MUC3A: variants seen among roughly 807,000 people sequenced by gnomAD.
The protein encoded by MUC3A is mucin-3A.
MUC3A carries 109 observed loss-of-function variants against 109.0 expected under a neutral mutation model. That is an observed-to-expected ratio of 1.00 (90% CI 0.86 to 1.17). The LOEUF is 1.17. Among genes scored for constraint, MUC3A ranks in the 50% most tolerant of loss-of-function variants. The pLI, the probability that MUC3A is intolerant of heterozygous loss-of-function variation, is 0.00. For missense variants in MUC3A, 3,537 were observed against 2,469.4 expected, an observed-to-expected ratio of 1.43 and a Z score of -9.16; for synonymous variants, 1,398 against 981.4, an observed-to-expected ratio of 1.42 and a Z score of -7.93.
chr7:100,954,392 C>G lies in MUC3A; in HGVS notation c.2613C>G (p.Ile871Met), dbSNP rs1792049568. Residue 871 changes from isoleucine to methionine, a missense_variant, in exon 2 of 12, where the codon ATC becomes ATG. By Grantham distance (10) the Ile-to-Met change is conservative. Transcript: ENST00000379458. Reference sequence around the variant, plus strand: ...CTCCCACTGTCCAGAATACAGAAATCTCAATCTCTGTTAGCATGACGTCTG... The same window carrying G: ...CTCCCACTGTCCAGAATACAGAAATGTCAATCTCTGTTAGCATGACGTCTG... ...PSSPTVQNTE[I>M]SISVSMTSAT... The G allele has an allele frequency of 2.5e-6, 1 of 400,294 alleles. No individual in the cohort carries two copies. Among genetic ancestry groups the G allele is most frequent in the South Asian group, 1.3e-4 (1 of 7,986 alleles). 24.8% of individuals were successfully genotyped at this position (400,294 alleles called of 1,614,324 possible).
At chr7:100,965,958 C>CT (rs1333796866) in intron 8 of MUC3A, 92 bp downstream of exon 8, 1 of 1,475,282 alleles carries the variant, frequency 6.8e-7, no homozygotes, top group Non-Finnish European at 9.0e-7. Context: ...GCTCCGCGCC[C>CT]TGGGCCTACA....
In MUC3A at chr7:100,955,732, C is replaced by T. The variant is rs1797530929; in HGVS notation, c.3953C>T (p.Ala1318Val). ...AGCACCAATACAATCCACACAACAGCTGAATCCGCCCTGGCACCCACTACC... is the reference window on the plus strand; with the variant it reads ...AGCACCAATACAATCCACACAACAGTTGAATCCGCCCTGGCACCCACTACC... ...PASTNTIHTT[A>V]ESALAPTTTT... Residue 1318 changes from alanine to valine, a missense_variant, in exon 2 of 12, where the codon GCT (alanine) becomes GTT (valine). Transcript: ENST00000379458. 4 of 418,636 alleles carry T rather than the reference C, an allele frequency of 9.6e-6. No homozygotes were observed. The highest frequency in any genetic ancestry group is 1.7e-5 in the Non-Finnish European group (4 of 239,448). The allele number at this position is 418,636 out of a possible 1,614,324, so 25.9% of individuals were successfully genotyped here. A position where few individuals can be genotyped will look rare whatever the true frequency, so the allele number is the denominator to read the frequency against.
chr7:100,949,751 G>A (rs911425164), intron 1 of MUC3A, 66 bp downstream of exon 1: 1 of 1,431,544 alleles, frequency 7.0e-7, no homozygotes. Context: ...GAAAGGGGAG[G>A]GAAAAGTGGC....
chr7:100,957,256 T>A lies in MUC3A; in HGVS notation c.5477T>A (p.Phe1826Tyr), dbSNP rs909138921. 3 of 499,020 alleles carry A rather than the reference T, an allele frequency of 6.0e-6. No homozygotes were observed. The highest frequency in any genetic ancestry group is 1.0e-5 in the Non-Finnish European group (3 of 286,410). 30.9% of individuals were successfully genotyped at this position (499,020 alleles called of 1,614,324 possible). A position where few individuals can be genotyped will look rare whatever the true frequency, so the allele number is the denominator to read the frequency against. ...TTPLSTLVTT[F>Y]SNSDTSSTPT... ...CCTCTATCTACATTGGTGACCACAT[T>A]CTCCAATTCCGACACCAGTTCTACA... Residue 1826 changes from phenylalanine to tyrosine, a missense_variant, in exon 2 of 12, where the codon TTC becomes TAC. Transcript: ENST00000379458.
rs1479425283 is a variant in MUC3A, at chr7:100,958,067, A to G, written c.6288A>G (p.Ser2096=). Residue 2096 remains serine (S), a synonymous_variant, in exon 2 of 12, where the codon TCA becomes TCG. Transcript: ENST00000379458. ...PSHSTLSFTS[S]ITTTETTSHS... is the part of the protein sequence containing the mutation. ...ACAGTACTCTCAGCTTCACTTCTTC[A>G]ATCACCACCACTGAGACCACCTCAC... 5.1e-4 allele frequency: 120 copies of G among 233,544 alleles called. No individual in the cohort carries two copies. The highest frequency in any genetic ancestry group is 1.5e-3 in the South Asian group (13 of 8,700). The allele number at this position is 233,544 out of a possible 1,614,324, so 14.5% of individuals were successfully genotyped here.
Position 100,955,351 on chromosome 7 carries a change from T to G in MUC3A, c.3572T>G (p.Leu1191Arg). 1 of 717,854 alleles carries G rather than the reference T, an allele frequency of 1.4e-6. No homozygotes were observed. The highest frequency in any genetic ancestry group is 2.5e-6 in the Non-Finnish European group (1 of 395,398). The allele number at this position is 717,854 out of a possible 1,614,324, so 44.5% of individuals were successfully genotyped here. ...VTSTTMTPSS[L>R]STDTPSTTPT... is the part of the protein sequence containing the mutation. ...TCCACAACCATGACCCCATCTTCTC[T>G]GAGTACAGACACCCCTTCCACAACA... Residue 1191 changes from leucine to arginine, a missense_variant, in exon 2 of 12, where the codon CTG becomes CGG. By Grantham distance (102) the Leu-to-Arg change is moderately radical (BLOSUM62 -2). Transcript: ENST00000379458.
At position 100,960,162 on chromosome 7, in the gene MUC3A, G is replaced by A; in HGVS notation, c.8383G>A (p.Ala2795Thr). Reference sequence around the variant, plus strand: ...TGTTGAAATGGATCCCAGCACTGAAGCTACTTCTCCTCCCACCACCCCATT... The same window carrying A: ...TGTTGAAATGGATCCCAGCACTGAAACTACTTCTCCTCCCACCACCCCATT... Reference protein sequence around the residue: ...PCVEMDPSTEATSPPTTPLTV... With the variant: ...PCVEMDPSTETTSPPTTPLTV... The change falls in exon 2 of 12, where the codon GCT becomes ACT. Residue 2795 changes from alanine (A) to threonine (T), a missense_variant. Coordinates refer to ENST00000379458, the MANE Select transcript of MUC3A (RefSeq NM_005960.2). 6.4e-7 allele frequency: 1 copy of A among 1,569,832 alleles called. No homozygotes were observed. Among genetic ancestry groups the A allele is most frequent in the Non-Finnish European group, 8.6e-7 (1 of 1,163,952 alleles).
chr7:100,964,830 C>A lies in MUC3A; in HGVS notation c.9369C>A (p.Cys3123Ter). The A allele has an allele frequency of 6.3e-7, 1 of 1,597,762 alleles. No homozygotes were observed. Among genetic ancestry groups the A allele is most frequent in the South Asian group, 1.1e-5 (1 of 91,034 alleles). ...LQNASQDVNS[C>*]QDSQTLCFKP... Reference sequence around the variant, plus strand: ...ACGCCAGCCAGGATGTGAACAGCTGCCAGGACTCCCAGAGTGAGCCCAGGC... The same window carrying A: ...ACGCCAGCCAGGATGTGAACAGCTGACAGGACTCCCAGAGTGAGCCCAGGC... The change falls in exon 6 of 12, where the codon TGC (cysteine) becomes TGA (stop). Residue 3123 changes from cysteine to a stop codon, truncating the protein, a stop_gained. Transcript: ENST00000379458. LOFTEE classifies it high-confidence loss of function.
At position 100,952,142 on chromosome 7, in the gene MUC3A, C is replaced by G; in HGVS notation, c.363C>G (p.Val121=). 6.3e-7 allele frequency: 1 copy of G among 1,598,546 alleles called. No individual in the cohort carries two copies. Among genetic ancestry groups the G allele is most frequent in the Non-Finnish European group, 8.5e-7 (1 of 1,179,758 alleles). Residue 121 remains valine, a synonymous_variant, in exon 2 of 12, where the codon GTC becomes GTG. Transcript: ENST00000379458. ...AAACCACTCCACCCACCGTGTTGGT[C>G]TATTCAGCCACCACTGAGTGCGTGT... is the stretch of plus-strand genomic sequence containing the variant. ...KVETTPPTVL[V]YSATTECVYP...
intron 8 of MUC3A, 169 bp from the exon 9 acceptor site, chr7:100,966,217 A>C: frequency 3.1e-6 from 1 of 326,850 alleles, no homozygotes; most frequent in Non-Finnish European, 3.9e-6. Flanking sequence ...CCTAGGGTAG[A>C]GCCCCGGCCC....
chr7:100,955,039 ACCCTAC>A lies in MUC3A; in HGVS notation c.3261_3266del (p.Pro1088_Thr1089del). On this transcript the variant is annotated inframe_deletion, in exon 2 of 12. Coordinates refer to ENST00000379458, the MANE Select transcript of MUC3A (RefSeq NM_005960.2). ...TCTACACCTACATCTGAGACCACCT[ACCCTAC>A]TTCTCCCACCAGCATTGTCTCAGAC... is the stretch of plus-strand genomic sequence containing the variant. 2 of 592,956 alleles carry A rather than the reference ACCCTAC, an allele frequency of 3.4e-6. No homozygotes were observed. Among genetic ancestry groups the A allele is most frequent in the Non-Finnish European group, 6.0e-6 (2 of 333,726 alleles). The allele number at this position is 592,956 out of a possible 1,614,324, so 36.7% of individuals were successfully genotyped here. A position where few individuals can be genotyped will look rare whatever the true frequency, so the allele number is the denominator to read the frequency against.
At position 100,965,780 on chromosome 7, in the gene MUC3A, T is replaced by C. The variant is rs778041804; in HGVS notation, c.9525T>C (p.Cys3175=). The change falls in exon 8 of 12, where the codon TGT becomes TGC. Residue 3175 remains cysteine, a synonymous_variant. Coordinates refer to ENST00000379458, the MANE Select transcript of MUC3A (RefSeq NM_005960.2). ...FPLVEATRLR[C]VTKCTSGVDN... Reference sequence around the variant, plus strand: ...TGGTGGAGGCCACCCGGCTCCGCTGTGTCACCAAATGCACGTCGGGGGTGG... The same window carrying C: ...TGGTGGAGGCCACCCGGCTCCGCTGCGTCACCAAATGCACGTCGGGGGTGG... The C allele has an allele frequency of 2.5e-6, 4 of 1,597,904 alleles. No individual in the cohort carries two copies. In the Admixed American group the frequency reaches 6.7e-5, roughly 27 times the overall value.
rs746964448 is a variant in MUC3A, at chr7:100,960,881, G to A, written c.8996G>A (p.Cys2999Tyr). 8.1e-6 allele frequency: 13 copies of A among 1,598,422 alleles called. No homozygotes were observed. Among genetic ancestry groups the A allele is most frequent in the Non-Finnish European group, 1.0e-5 (12 of 1,179,828 alleles). Residue 2999 changes from cysteine (C) to tyrosine (Y), a missense_variant, in exon 3 of 12, where the codon TGC (cysteine) becomes TAC (tyrosine). Cys to Tyr is a radical substitution (Grantham distance 194). Transcript: ENST00000379458. The part of the protein sequence containing the change: ...GGQWDGLKCQ[C>Y]PSTFYGSSCE... ...CAGTGGGATGGCCTCAAATGCCAGT[G>A]CCCCAGCACCTTCTATGGTTCCAGT...
At position 100,967,406 on chromosome 7, in the gene MUC3A, C is replaced by T. The variant is rs1278465076; in HGVS notation, c.*244C>T. 6.4e-6 allele frequency: 4 copies of T among 627,658 alleles called. No homozygotes were observed. The highest frequency in any genetic ancestry group is 5.5e-5 in the African/African-American group (3 of 54,488). 38.9% of individuals were successfully genotyped at this position (627,658 alleles called of 1,614,324 possible). The stretch of plus-strand genomic sequence containing the variant: ...TCTTGGGCAAGTCAGTAACGAGCCT[C>T]AGTTTCCTCACCTGCAAAACGGGTA... On this transcript the variant is annotated 3_prime_UTR_variant, in exon 12 of 12. Transcript: ENST00000379458.
At chr7:100,964,455 CT>C in intron 5 of MUC3A, 1 of 595,614 alleles carries the variant, frequency 1.7e-6, no homozygotes, top group Non-Finnish European at 2.7e-6. Flanking sequence ...AAGACTTTGT[CT>C]CTATAAAACA....
At position 100,967,780 on chromosome 7, in the gene MUC3A, A is replaced by C; in HGVS notation, c.*618A>C. ...CTGCACCCCAGTCCCCCAGCCCTAA[A>C]TCCTCCCTCCTCTCCTCACATCCTG... On this transcript the variant is annotated 3_prime_UTR_variant, in exon 12 of 12. Transcript: ENST00000379458. 6.1e-6 allele frequency: 1 copy of C among 163,408 alleles called. No individual in the cohort carries two copies. Among genetic ancestry groups the C allele is most frequent in the Non-Finnish European group, 1.3e-5 (1 of 78,018 alleles). The allele number at this position is 163,408 out of a possible 1,614,324, so 10.1% of individuals were successfully genotyped here.
chr7:100,957,271 C>A lies in MUC3A; in HGVS notation c.5492C>A (p.Thr1831Asn), dbSNP rs1442266539. 1.1e-5 allele frequency: 6 copies of A among 531,404 alleles called. No individual in the cohort carries two copies. Among genetic ancestry groups the A allele is most frequent in the Non-Finnish European group, 2.0e-5 (6 of 304,524 alleles). The allele number at this position is 531,404 out of a possible 1,614,324, so 32.9% of individuals were successfully genotyped here. ...GTGACCACATTCTCCAATTCCGACACCAGTTCTACACCTACATCTGAGACC... is the reference window on the plus strand; with the variant it reads ...GTGACCACATTCTCCAATTCCGACAACAGTTCTACACCTACATCTGAGACC... ...TLVTTFSNSDTSSTPTSETTY... is the reference protein window; with the variant it reads ...TLVTTFSNSDNSSTPTSETTY... The change falls in exon 2 of 12, where the codon ACC becomes AAC. Residue 1831 changes from threonine to asparagine, a missense_variant. Transcript: ENST00000379458.
rs1792270886 is a variant in MUC3A at position 100,960,172 on chromosome 7, C to A, written c.8393C>A (p.Pro2798His). 3 of 1,576,780 alleles carry A rather than the reference C, an allele frequency of 1.9e-6. No individual in the cohort carries two copies. The Admixed American group carries it at 5.1e-5, about 27-fold the overall frequency. Residue 2798 changes from proline (P) to histidine (H), a missense_variant, in exon 2 of 12, where the codon CCT becomes CAT. By Grantham distance (77) the Pro-to-His change is moderately conservative. Coordinates refer to ENST00000379458, the MANE Select transcript of MUC3A (RefSeq NM_005960.2). ...EMDPSTEATSPPTTPLTVFPF... is the reference protein window; with the variant it reads ...EMDPSTEATSHPTTPLTVFPF... ...GATCCCAGCACTGAAGCTACTTCTCCTCCCACCACCCCATTAACAGTCTTT... is the reference window on the plus strand; with the variant it reads ...GATCCCAGCACTGAAGCTACTTCTCATCCCACCACCCCATTAACAGTCTTT...
intron 8 of MUC3A, 161 bp downstream of exon 8, chr7:100,966,027 C>T: frequency 8.1e-7 from 1 of 1,237,452 alleles, no homozygotes; most frequent in South Asian, 1.6e-5. Flanking sequence ...TACAGTGGAG[C>T]CCTGCCCTGG....
Sources: gnomAD v4.1 joint callset for allele counts on GRCh38, gnomAD v4.1.1 for gene constraint, MANE v1.5 for transcripts, NCBI Gene and HGNC (gene_info 2026-07-23, HGNC 2026-07-21) for gene names.